The following PTGIS variants were observed in gnomAD, a reference collection of about 807,000 sequenced individuals.
The protein encoded by PTGIS is prostacyclin synthase.
Under a neutral mutation model 50.3 loss-of-function variants are expected in PTGIS, and 45 were observed. The observed-to-expected ratio is 0.90, with a 90% CI of 0.70 to 1.15. PTGIS has a LOEUF of 1.15. PTGIS is among the 50% of genes most tolerant of loss of function. The pLI is 0.00. For synonymous variants in PTGIS, 260 were observed against 267.7 expected (o/e 0.97, Z 0.28); for missense variants, 668 against 661.3 (o/e 1.01, Z -0.11).
At chr20:49,564,544 C>T (rs1982849200) in intron 1 of PTGIS, among the ~76,000 whole-genome samples, 1 of 152,172 alleles carries the variant, frequency 6.6e-6, no homozygotes, top group South Asian at 2.1e-4. Flanking sequence ...AGCCACCGTG[C>T]CCAGCCTATG....
chr20:49,514,698 G>T (rs990448221), intron 6 of PTGIS, among the ~76,000 whole-genome samples: 2 of 152,200 alleles, frequency 1.3e-5, no homozygotes, highest in Non-Finnish European at 2.9e-5. Context: ...TAGGAACAGG[G>T]TATATCAGTT....
At chr20:49,530,498 C>G (rs1413380494) in intron 5 of PTGIS, among the ~76,000 whole-genome samples, 1 of 152,146 alleles carries the variant, frequency 6.6e-6, no homozygotes, top group African/African-American at 2.4e-5. Context: ...TTAGGAACCT[C>G]CATACTGTTC....
intron 5 of PTGIS, among the ~76,000 whole-genome samples, chr20:49,537,756 AAAAAACAAAAAC>A (rs967985309): frequency 6.6e-6 from 1 of 152,058 alleles, no homozygotes; most frequent in African/African-American, 2.4e-5. Flanking sequence ...CTCTGTCTCA[AAAAAACAAAAAC>A]AAAAACAAAA....
Position 49,539,732 on chromosome 20 carries a change from C to T in PTGIS, c.522-11G>A, listed in dbSNP as rs1216352073. ...GTCAGGTAGCCGGCTCTGGGGGCGGCAGACAGAGGGTCAGGGGTCCTCCTG... is the reference window on the plus strand; with the variant it reads ...GTCAGGTAGCCGGCTCTGGGGGCGGTAGACAGAGGGTCAGGGGTCCTCCTG... On this transcript the variant is annotated splice_polypyrimidine_tract_variant and intron_variant, in intron 4 of 9. Coordinates refer to ENST00000244043, the MANE Select transcript of PTGIS (RefSeq NM_000961.4). 6.2e-7 allele frequency: 1 copy of T among 1,608,188 alleles called. No individual in the cohort carries two copies. The highest frequency in any genetic ancestry group is 2.2e-5 in the East Asian group (1 of 44,844).
At chr20:49,538,828 C>T (rs866259087) in intron 5 of PTGIS, among the ~76,000 whole-genome samples, 1 of 151,968 alleles carries the variant, frequency 6.6e-6, no homozygotes, top group African/African-American at 2.4e-5. Context: ...AATGCAGGCA[C>T]CCGCCACCAT....
intron 4 of PTGIS, among the ~76,000 whole-genome samples, chr20:49,539,978 G>A (rs868006024): frequency 1.3e-5 from 2 of 152,338 alleles, no homozygotes; most frequent in Middle Eastern, 3.4e-3. Context: ...CTGGTGCCCC[G>A]CGGCACTGTC....
intron 5 of PTGIS, among the ~76,000 whole-genome samples, chr20:49,535,509 T>C (rs186315316): frequency 3.9e-5 from 6 of 152,164 alleles, no homozygotes; most frequent in African/African-American, 1.2e-4. Flanking sequence ...AATGTATTGG[T>C]TTTTTGTTTT....
chr20:49,546,058 G>A (rs938391530), intron 3 of PTGIS, among the ~76,000 whole-genome samples: 3 of 152,106 alleles, frequency 2.0e-5, no homozygotes, highest in African/African-American at 7.2e-5. Context: ...GAAGGGTTCC[G>A]CACGGTGCCT....
At chr20:49,542,433 CG>C (rs1396408953) in intron 4 of PTGIS, among the ~76,000 whole-genome samples, 2 of 152,198 alleles carry the variant, frequency 1.3e-5, no homozygotes, top group Admixed American at 6.5e-5. Context: ...ACACAGTTAC[CG>C]GGTTACAGGT....
intron 6 of PTGIS, 49 bp downstream of exon 6, chr20:49,524,009 C>T: frequency 6.2e-7 from 1 of 1,608,652 alleles, no homozygotes; most frequent in East Asian, 2.2e-5. Context: ...GTTCATATCG[C>T]AACCACACAT....
At chr20:49,559,606 T>A (rs967410264) in intron 1 of PTGIS, among the ~76,000 whole-genome samples, 1 of 152,170 alleles carries the variant, frequency 6.6e-6, no homozygotes, top group African/African-American at 2.4e-5. Flanking sequence ...CCACGAAACG[T>A]TACTCAGCCA....
At chr20:49,567,908 G>T (rs1982943699) in intron 1 of PTGIS, 135 bp downstream of exon 1, 1 of 804,264 alleles carries the variant, frequency 1.2e-6, no homozygotes, top group Non-Finnish European at 1.7e-6. Context: ...TCCCACCTCC[G>T]AGGGTCTCGC....
rs114276687 is a variant in PTGIS at position 49,552,924 on chromosome 20, C to T, written c.75-2735G>A. On this transcript the variant is annotated intron_variant, in intron 1 of 9. Coordinates refer to ENST00000244043, the MANE Select transcript of PTGIS (RefSeq NM_000961.4). ...CCTGTCTGTCTATGTATTTATATGT[C>T]CTGTATATAATGTTTCACTACAAAA... Among the ~76,000 whole-genome samples, 1,501 of 152,044 alleles carry T rather than the reference C, an allele frequency of 9.9e-3. 19 individuals are homozygous for T. The highest frequency in any genetic ancestry group is 0.033 in the African/African-American group (1,386 of 41,448).
At chr20:49,550,351 G>A (rs1982475251) in intron 1 of PTGIS, among the ~76,000 whole-genome samples, 162 bp from the exon 2 acceptor site, 1 of 152,080 alleles carries the variant, frequency 6.6e-6, no homozygotes, top group Non-Finnish European at 1.5e-5. Flanking sequence ...GTAACATGTG[G>A]ATGACCACAC....
At chr20:49,517,256 A>G (rs1981508520) in intron 6 of PTGIS, among the ~76,000 whole-genome samples, 1 of 152,252 alleles carries the variant, frequency 6.6e-6, no homozygotes, top group Admixed American at 6.5e-5. Context: ...GATGATAAAT[A>G]ATTCAACACC....
intron 4 of PTGIS, among the ~76,000 whole-genome samples, chr20:49,541,782 T>G (rs1982237261): frequency 6.6e-6 from 1 of 151,950 alleles, no homozygotes; most frequent in Non-Finnish European, 1.5e-5. Context: ...AAAGAAAAAG[T>G]AAACCCAGAG....
At chr20:49,523,907 ACACT>A in intron 6 of PTGIS, 147 bp downstream of exon 6, 3 of 1,000,100 alleles carry the variant, frequency 3.0e-6, no homozygotes, top group Non-Finnish European at 4.5e-6. Flanking sequence ...ACATCAGCAC[ACACT>A]CACAAATGCA....
chr20:49,551,806 T>TTGTGTGTGTGTGTGTGTGTG (rs58517059), intron 1 of PTGIS, among the ~76,000 whole-genome samples: 3 of 142,574 alleles, frequency 2.1e-5, no homozygotes, highest in African/African-American at 5.0e-5. Flanking sequence ...GTGTATGTGT[T>TTGTGTGTGTGTGTGTGTGTG]TGTGTGTGTG....
At chr20:49,537,720 A>C (rs1466265984) in intron 5 of PTGIS, among the ~76,000 whole-genome samples, 3 of 152,234 alleles carry the variant, frequency 2.0e-5, no homozygotes, top group Non-Finnish European at 2.9e-5. Context: ...GTGCCGCTGC[A>C]TTCCAGCCTG....
Sources: allele counts gnomAD v4.1 joint callset (sites outside exome capture counted in the v4.1 genomes callset), GRCh38; gene constraint gnomAD v4.1.1; transcripts MANE v1.5; gene names NCBI Gene and HGNC (gene_info 2026-07-23, HGNC 2026-07-21).